Variants in ZFYVE26 observed in about 807,000 individuals in gnomAD.
The protein encoded by ZFYVE26 is zinc finger FYVE domain-containing protein 26.
A neutral mutation model predicts 276.5 loss-of-function variants in ZFYVE26; 181 were observed. The ratio of observed to expected loss-of-function variants is 0.65; its 90% CI spans 0.58 to 0.74. The LOEUF (loss-of-function observed/expected upper bound fraction) is 0.74. ZFYVE26 is among the 30% of genes least tolerant of loss of function. ZFYVE26 has a pLI of 0.00. For synonymous variants in ZFYVE26, 1,129 were observed against 1,203.1 expected (o/e 0.94, Z 1.27); for missense variants, 2,821 against 3,097.9 (o/e 0.91, Z 2.12).
chr14:67,777,998 C>T, intron 24 of ZFYVE26, 128 bp downstream of exon 24: 1 of 1,429,718 alleles, frequency 7.0e-7, no homozygotes, highest in Non-Finnish European at 9.8e-7. Flanking sequence ...TGACTATAAC[C>T]AGCTCCTGAA....
At chr14:67,731,907 A>G (rs1442174150) in intron 13 of ZFYVE26, among the ~76,000 whole-genome samples, 3 of 151,454 alleles carry the variant, frequency 2.0e-5, no homozygotes, top group Admixed American at 6.6e-5. Flanking sequence ...TGGGTGGATC[A>G]CTTGAGGTCA....
Position 67,813,984 on chromosome 14 carries a change from ACCTTTTCCCGGGC to A in ZFYVE26, c.262_273+1del, listed in dbSNP as rs771638627. ...AGGAAAATTTAATATAAACCTACTT[ACCTTTTCCCGGGC>A]CAACCATTTCTCCAGTACAAGAAGC... On this transcript the variant is annotated splice_donor_variant and coding_sequence_variant, in exon 3 of 42. Transcript: ENST00000347230. LOFTEE classifies it high-confidence loss of function. The A allele has an allele frequency of 6.2e-7, 1 of 1,612,254 alleles. No individual in the cohort carries two copies. The highest frequency in any genetic ancestry group is 1.1e-5 in the South Asian group (1 of 90,952).
chr14:67,801,933 G>A (rs2040085330), intron 10 of ZFYVE26, 146 bp downstream of exon 10: 1 of 893,378 alleles, frequency 1.1e-6, no homozygotes, highest in Non-Finnish European at 1.8e-6. Context: ...TTCAGAGGCT[G>A]ACAGATGGAT....
At chr14:67,750,316 T>C (rs981363557) in intron 41 of ZFYVE26, among the ~76,000 whole-genome samples, 2 of 152,164 alleles carry the variant, frequency 1.3e-5, no homozygotes, top group African/African-American at 4.8e-5. Context: ...AATACTGCCA[T>C]GGGGAGCGTG....
intron 40 of ZFYVE26, 65 bp downstream of exon 40, chr14:67,752,279 T>C (rs2038667367): frequency 6.5e-7 from 1 of 1,536,592 alleles, no homozygotes; most frequent in East Asian, 2.4e-5. Flanking sequence ...AACAGAACAA[T>C]AAAGATGGGG....
chr14:67,751,000 C>G lies in ZFYVE26; in HGVS notation c.7416+52G>C, dbSNP rs760795103. On this transcript the variant is annotated intron_variant, in intron 41 of 41. Coordinates refer to ENST00000347230, the MANE Select transcript of ZFYVE26 (RefSeq NM_015346.4). Reference sequence around the variant, plus strand: ...CAAGGGATAAAGGTGACTAGGCAAGCCTGAGACACAATTCATTGGCATCAC... The same window carrying G: ...CAAGGGATAAAGGTGACTAGGCAAGGCTGAGACACAATTCATTGGCATCAC... 11 of 1,609,722 alleles carry G rather than the reference C, an allele frequency of 6.8e-6. No homozygotes were observed. The East Asian group carries it at 1.8e-4, about 26-fold the overall frequency.
intron 35 of ZFYVE26, chr14:67,761,014 G>A (rs964631753): frequency 4.6e-5 from 26 of 561,420 alleles, no homozygotes; most frequent in Non-Finnish European, 6.4e-5. Context: ...AGGGAGGCGC[G>A]TGGAAGCAGA....
chr14:67,801,393 C>G (rs1311014121), intron 10 of ZFYVE26, among the ~76,000 whole-genome samples: 1 of 152,192 alleles, frequency 6.6e-6, no homozygotes. Flanking sequence ...AGACCCTTTA[C>G]TCCTCAATTC....
chr14:67,804,076 G>C, intron 9 of ZFYVE26, 25 bp downstream of exon 9: 3 of 1,613,408 alleles, frequency 1.9e-6, no homozygotes, highest in Non-Finnish European at 2.5e-6. Flanking sequence ...GGAAATCCTG[G>C]CCAGGTCATT....
intron 10 of ZFYVE26, 58 bp downstream of exon 10, chr14:67,802,021 G>C: frequency 6.3e-7 from 1 of 1,584,812 alleles, no homozygotes; most frequent in Non-Finnish European, 8.7e-7. Flanking sequence ...AACACACAAA[G>C]CACCCACTGG....
At chr14:67,783,660 A>G in intron 20 of ZFYVE26, 135 bp from the exon 21 acceptor site, 1 of 1,165,996 alleles carries the variant, frequency 8.6e-7, no homozygotes, top group Non-Finnish European at 1.2e-6. Context: ...TTTAAAACAC[A>G]AAAAGTAGCC....
chr14:67,765,028 A>G (rs924323655), intron 32 of ZFYVE26, among the ~76,000 whole-genome samples: 7 of 151,460 alleles, frequency 4.6e-5, no homozygotes, highest in Non-Finnish European at 1.0e-4. Context: ...TTTGTTTTCC[A>G]TCTTTTTTTT....
chr14:67,771,919 T>C, intron 28 of ZFYVE26, 128 bp downstream of exon 28: 6 of 1,293,434 alleles, frequency 4.6e-6, no homozygotes, highest in Non-Finnish European at 5.4e-6. Flanking sequence ...CCCAAAGTCT[T>C]AGATTTGGCA....
At chr14:67,749,608 C>T (rs965794535) in intron 41 of ZFYVE26, among the ~76,000 whole-genome samples, 2 of 152,166 alleles carry the variant, frequency 1.3e-5, no homozygotes, top group African/African-American at 4.8e-5. Context: ...CGCCTTGCTT[C>T]CTGTATCAAT....
At chr14:67,785,306 A>C in intron 18 of ZFYVE26, 29 bp from the exon 19 acceptor site, 1 of 1,560,642 alleles carries the variant, frequency 6.4e-7, no homozygotes, top group Non-Finnish European at 8.7e-7. Flanking sequence ...GAGAAAGGAC[A>C]CAGGCTTCAG....
At chr14:67,769,788 C>T in intron 28 of ZFYVE26, 58 bp from the exon 29 acceptor site, 1 of 1,610,576 alleles carries the variant, frequency 6.2e-7, no homozygotes, top group South Asian at 1.1e-5. Flanking sequence ...AGATTGCCAT[C>T]AATCCATTTA....
downstream of ZFYVE26, among the ~76,000 whole-genome samples, chr14:67,743,003 C>A (rs979995094): frequency 5.9e-5 from 9 of 151,484 alleles, no homozygotes; most frequent in Non-Finnish European, 1.0e-4. Context: ...CTATGCCTGG[C>A]TAATTTTCTT....
rs753113451 is a variant in ZFYVE26, at chr14:67,798,456, A to G, written c.1806T>C (p.Asp602=). Residue 602 remains aspartate, a synonymous_variant, in exon 11 of 42, where the codon GAT becomes GAC. Coordinates refer to ENST00000347230, the MANE Select transcript of ZFYVE26 (RefSeq NM_015346.4). ...AGGGGCTCTTCCCCTCAATGTCATC[A>G]TCCTCAGCATAGTCCTCAGGCAAGT... The part of the protein sequence containing the change: ...EPHLPEDYAE[D]DDIEGKSPSG... 1 of 1,614,072 alleles carries G rather than the reference A, an allele frequency of 6.2e-7. No individual in the cohort carries two copies. Among genetic ancestry groups the G allele is most frequent in the Admixed American group, 1.7e-5 (1 of 59,998 alleles).
rs542796368 is a variant in ZFYVE26, at chr14:67,738,624, T to C, written n.2680-8805A>G. On this transcript the variant is annotated intron_variant and non_coding_transcript_variant, in intron 13 of 14. Transcript: ENST00000394455. ...GTAATATATATTTTCTATGAGTACA[T>C]ATATAGGTATGTAAAAGCACAGAAA... Among the ~76,000 whole-genome samples, 328 of 152,164 alleles carry C rather than the reference T, an allele frequency of 2.2e-3. 2 individuals carry two copies. Among genetic ancestry groups the C allele is most frequent in the Non-Finnish European group, 3.9e-3 (265 of 67,980 alleles).
Sources: allele counts gnomAD v4.1 joint callset (sites outside exome capture counted in the v4.1 genomes callset), GRCh38; gene constraint gnomAD v4.1.1; transcripts MANE v1.5; gene names NCBI Gene and HGNC (gene_info 2026-07-23, HGNC 2026-07-21).